ZNF26: variants seen among roughly 807,000 people sequenced by gnomAD.
ZNF26 encodes the protein zinc finger protein 26.
In ZNF26, 32 loss-of-function variants were observed where a neutral mutation model predicts 54.9. The ratio of observed to expected loss-of-function variants is 0.58; its 90% confidence interval spans 0.44 to 0.78. ZNF26 has a LOEUF of 0.78. ZNF26 is among the 30% of genes least tolerant of loss of function. The probability of loss-of-function intolerance (pLI) is 0.00; values close to 1 mark genes in which losing one functional copy is unlikely to be tolerated. For synonymous variants in ZNF26, 221 were observed against 209.2 expected (o/e 1.06, Z -0.49); for missense variants, 524 against 634.0 (o/e 0.83, Z 1.86).
At position 133,023,124 on chromosome 12, in the gene ZNF26, AT is replaced by A. The variant is rs1207455417; in HGVS notation, c.*11647del. On this transcript the variant is annotated 3_prime_UTR_variant, in exon 4 of 4. Coordinates refer to ENST00000328654, the MANE Select transcript of ZNF26 (RefSeq NM_019591.4). ...GAACAGGGGCTATACAACAGTTTAG[AT>A]TTTAAAAAATTATGGGAGAATACTA... The A allele has an allele frequency of 6.6e-6, 1 of 152,230 alleles. No homozygotes were observed. The highest frequency in any genetic ancestry group is 2.4e-5 in the African/African-American group (1 of 41,466). 9.4% of individuals were successfully genotyped at this position (152,230 alleles called of 1,614,324 possible).
In ZNF26 at chr12:133,024,588, G is replaced by A. The variant is rs1437066905; in HGVS notation, c.*13107G>A. 6.6e-6 allele frequency: 1 copy of A among 152,154 alleles called. No homozygotes were observed. The highest frequency in any genetic ancestry group is 1.9e-4 in the East Asian group (1 of 5,192). The allele number at this position is 152,154 out of a possible 1,614,324, so 9.4% of individuals were successfully genotyped here. ...TGTAAAGCATTCTCAAAGTACGAAAGCTCCTCAGGGAAAAGATGTAATCCA... is the reference window on the plus strand; with the variant it reads ...TGTAAAGCATTCTCAAAGTACGAAAACTCCTCAGGGAAAAGATGTAATCCA... On this transcript the variant is annotated 3_prime_UTR_variant, in exon 4 of 4. Transcript: ENST00000328654.
intron 1 of ZNF26, chr12:133,005,952 C>A: frequency 3.4e-6 from 1 of 292,670 alleles, no homozygotes; most frequent in Non-Finnish European, 5.1e-6. Flanking sequence ...ATTTGTTGTT[C>A]CTTGAATTGA....
chr12:132,988,321 C>T (rs12579051), intron 1 of ZNF26, among the ~76,000 whole-genome samples: 30,590 of 151,506 alleles, frequency 0.2, 3,921 homozygotes, highest in Non-Finnish European at 0.29. Flanking sequence ...ACTGCAGCCT[C>T]GAACTCCCGG....
chr12:133,022,699 A>G lies in ZNF26; in HGVS notation c.*11218A>G, dbSNP rs1953659765. 1 of 152,248 alleles carries G rather than the reference A, an allele frequency of 6.6e-6. No homozygotes were observed. The highest frequency in any genetic ancestry group is 1.5e-5 in the Non-Finnish European group (1 of 68,040). The allele number at this position is 152,248 out of a possible 1,614,324, so 9.4% of individuals were successfully genotyped here. A position where few individuals can be genotyped will look rare whatever the true frequency, so the allele number is the denominator to read the frequency against. ...AAAGATGTAAAAGAATAAAGAGACT[A>G]TTATCCAGTTGATAAAATATGCAAC... On this transcript the variant is annotated 3_prime_UTR_variant, in exon 4 of 4. Transcript: ENST00000328654.
chr12:133,010,104 CA>C (rs1293295839), intron 3 of ZNF26, 31 bp from the exon 4 acceptor site: 2 of 1,560,928 alleles, frequency 1.3e-6, no homozygotes, highest in South Asian at 1.2e-5. Flanking sequence ...TGTTATGATT[CA>C]AAAAGTTATA....
Position 133,025,987 on chromosome 12 carries a change from T to G in ZNF26, c.*14506T>G, listed in dbSNP as rs1953697945. The G allele has an allele frequency of 6.6e-6, 1 of 152,434 alleles. No homozygotes were observed. The highest frequency in any genetic ancestry group is 1.5e-5 in the Non-Finnish European group (1 of 68,216). The allele number at this position is 152,434 out of a possible 1,614,324, so 9.4% of individuals were successfully genotyped here. ...CACAGACTACATCAAGAGTGAGAGATGCCTAAAACACCCCCAGGCATTCCA... is the reference window on the plus strand; with the variant it reads ...CACAGACTACATCAAGAGTGAGAGAGGCCTAAAACACCCCCAGGCATTCCA... On this transcript the variant is annotated 3_prime_UTR_variant, in exon 4 of 4. Coordinates refer to ENST00000328654, the MANE Select transcript of ZNF26 (RefSeq NM_019591.4).
At chr12:133,004,580 T>A (rs748506981) in intron 1 of ZNF26, 1 of 152,130 alleles carries the variant, frequency 6.6e-6, no homozygotes, top group Non-Finnish European at 1.5e-5. Context: ...CAAACTCCTG[T>A]GCTCAAACCA....
rs1157468891 is a variant in ZNF26 at position 133,017,824 on chromosome 12, A to G, written c.*6343A>G. ...GGAGGTCAAGACCATCCTCACTAAC[A>G]TGGTGAAACCCCATCTCTATTAAAA... On this transcript the variant is annotated 3_prime_UTR_variant, in exon 4 of 4. Transcript: ENST00000328654. 1.3e-5 allele frequency: 2 copies of G among 152,236 alleles called. No individual in the cohort carries two copies. The highest frequency in any genetic ancestry group is 2.9e-5 in the Non-Finnish European group (2 of 68,068). The allele number at this position is 152,236 out of a possible 1,614,324, so 9.4% of individuals were successfully genotyped here.
At chr12:132,999,318 G>A (rs1024027848) in intron 1 of ZNF26, among the ~76,000 whole-genome samples, 21 of 152,266 alleles carry the variant, frequency 1.4e-4, no homozygotes, top group African/African-American at 4.8e-4. Flanking sequence ...GCAGTGGCAC[G>A]ATCTCAGCTC....
rs1390487643 is a variant in ZNF26 at position 133,017,185 on chromosome 12, T to C, written c.*5704T>C. 1 of 152,190 alleles carries C rather than the reference T, an allele frequency of 6.6e-6. No individual in the cohort carries two copies. The highest frequency in any genetic ancestry group is 2.4e-5 in the African/African-American group (1 of 41,442). The allele number at this position is 152,190 out of a possible 1,614,324, so 9.4% of individuals were successfully genotyped here. On this transcript the variant is annotated 3_prime_UTR_variant, in exon 4 of 4. Transcript: ENST00000328654. ...AAATAAGCCCCAGAAAATAACAGTA[T>C]GTAACATTGGAAGAAGTCTAATAAT...
At chr12:133,003,657 TTC>T (rs1325283808) in intron 1 of ZNF26, among the ~76,000 whole-genome samples, 4 of 152,214 alleles carry the variant, frequency 2.6e-5, no homozygotes, top group African/African-American at 9.6e-5. Flanking sequence ...CTTCTCTCCA[TTC>T]TCTCTGTTCC....
At chr12:132,994,424 A>C (rs1445103769) in intron 1 of ZNF26, among the ~76,000 whole-genome samples, 2 of 152,184 alleles carry the variant, frequency 1.3e-5, no homozygotes, top group East Asian at 3.8e-4. Flanking sequence ...TTACATGCAG[A>C]ACTGGAACTA....
In ZNF26 at chr12:133,010,451, T is replaced by C; in HGVS notation, c.572T>C (p.Val191Ala). Reference protein sequence around the residue: ...KAFRCKSQLIVHLRIHTGERP... With the variant: ...KAFRCKSQLIAHLRIHTGERP... ...TTTCGTTGTAAGTCACAGCTCATTG[T>C]ACATCTCAGAATTCATACAGGAGAG... Residue 191 changes from valine to alanine, a missense_variant, in exon 4 of 4, where the codon GTA (valine) becomes GCA (alanine). Transcript: ENST00000328654. The C allele has an allele frequency of 1.9e-6, 3 of 1,614,180 alleles. No homozygotes were observed. The South Asian group carries it at 3.3e-5, about 18-fold the overall frequency.
rs115403976 is a variant in ZNF26 at position 133,010,184 on chromosome 12, T to C, written c.305T>C (p.Ile102Thr). Residue 102 changes from isoleucine to threonine, a missense_variant, in exon 4 of 4, where the codon ATT (isoleucine) becomes ACT (threonine). Physicochemically the swap from Ile to Thr is moderately conservative, Grantham distance 89. Coordinates refer to ENST00000328654, the MANE Select transcript of ZNF26 (RefSeq NM_019591.4). ...YQNNQDELESIERSYACSVLG... is the reference protein window; with the variant it reads ...YQNNQDELESTERSYACSVLG... Reference sequence around the variant, plus strand: ...AACAATCAAGATGAGCTTGAGAGTATTGAAAGAAGCTATGCTTGTAGTGTG... The same window carrying C: ...AACAATCAAGATGAGCTTGAGAGTACTGAAAGAAGCTATGCTTGTAGTGTG... The C allele has an allele frequency of 6.2e-5, 100 of 1,610,624 alleles. No individual in the cohort carries two copies. In the African/African-American group the frequency reaches 1.0e-3, roughly 16 times the overall value.
In ZNF26 at chr12:133,001,694, G is replaced by A; in HGVS notation, c.34-5348G>A. On this transcript the variant is annotated intron_variant, in intron 1 of 3. Transcript: ENST00000328654. The surrounding 1 kb of genome is among the most constrained non-coding windows in gnomAD (Gnocchi z 4.7). ...AGTGTCAAGTTCGGGAATCTTCTGG[G>A]TGTTCCTTGGGCCCAGGGAAACAGT... 1.6e-6 allele frequency: 2 copies of A among 1,289,162 alleles called. No individual in the cohort carries two copies. The highest frequency in any genetic ancestry group is 2.1e-4 in the Middle Eastern group (1 of 4,678). 79.9% of individuals were successfully genotyped at this position (1,289,162 alleles called of 1,614,324 possible). A position where few individuals can be genotyped will look rare whatever the true frequency, so the allele number is the denominator to read the frequency against.
intron 3 of ZNF26, among the ~76,000 whole-genome samples, chr12:133,008,806 T>G (rs1953401026): frequency 6.8e-6 from 1 of 147,166 alleles, no homozygotes; most frequent in African/African-American, 2.5e-5. Context: ...GAAAAACACC[T>G]GAGACTAAAT....
intron 3 of ZNF26, among the ~76,000 whole-genome samples, chr12:133,008,430 A>G (rs2137254746): frequency 6.6e-6 from 1 of 152,122 alleles, no homozygotes; most frequent in African/African-American, 2.4e-5. Context: ...GTATGTTCCA[A>G]ATTTCCTCAA....
In ZNF26 at chr12:133,022,477, C is replaced by CGCAT. The variant is rs1555287024; in HGVS notation, c.*10996_*10997insGCAT. The CGCAT allele has an allele frequency of 6.6e-6, 1 of 151,768 alleles. No homozygotes were observed. The highest frequency in any genetic ancestry group is 1.5e-5 in the Non-Finnish European group (1 of 67,988). 9.4% of individuals were successfully genotyped at this position (151,768 alleles called of 1,614,324 possible). ...AACATTGAACAGAACTTAATATACA[C>CGCAT]ACATACAAAGTATAAGTAAAACTGG... is the stretch of plus-strand genomic sequence containing the variant. On this transcript the variant is annotated 3_prime_UTR_variant, in exon 4 of 4. Coordinates refer to ENST00000328654, the MANE Select transcript of ZNF26 (RefSeq NM_019591.4).
At chr12:133,000,625 C>T (rs1451159949) in intron 1 of ZNF26, among the ~76,000 whole-genome samples, 2 of 152,054 alleles carry the variant, frequency 1.3e-5, no homozygotes, top group Non-Finnish European at 2.9e-5. Flanking sequence ...AGGGTTTCAC[C>T]ATGTTAGCCA....
Sources: allele counts gnomAD v4.1 joint callset (sites outside exome capture counted in the v4.1 genomes callset), GRCh38; gene constraint gnomAD v4.1.1; non-coding constraint Gnocchi (gnomAD v3.1); transcripts MANE v1.5; gene names NCBI Gene and HGNC (gene_info 2026-07-23, HGNC 2026-07-21).